CD8B2: variants seen among roughly 807,000 people sequenced by gnomAD.
The protein encoded by CD8B2 is T-cell surface glycoprotein CD8 beta-2 chain.
A neutral mutation model predicts 23.7 loss-of-function variants in CD8B2; 11 were observed. That is an observed-to-expected ratio of 0.46 (90% confidence interval 0.29 to 0.77). The LOEUF is 0.77. Ranked by LOEUF, CD8B2 falls within the 30% of genes least tolerant of loss-of-function variation. The pLI is 0.09. For missense variants in CD8B2, 197 were observed against 270.5 expected (o/e 0.73, Z 1.91); for synonymous variants, 90 against 109.3 (o/e 0.82, Z 1.10).
At chr2:106,498,155 T>TC (rs1178173108) in intron 3 of CD8B2, among the ~76,000 whole-genome samples, 1 of 151,306 alleles carries the variant, frequency 6.6e-6, no homozygotes, top group Non-Finnish European at 1.5e-5. Context: ...TTTCTTTCTT[T>TC]TTTTTTTTTT....
intron 5 of CD8B2, among the ~76,000 whole-genome samples, chr2:106,525,372 G>C (rs949152238): frequency 6.6e-6 from 1 of 152,166 alleles, no homozygotes; most frequent in Non-Finnish European, 1.5e-5. Context: ...GGGCATGTTT[G>C]TTCAGGGCAT....
chr2:106,496,497 C>A (rs1305693766), intron 3 of CD8B2, among the ~76,000 whole-genome samples: 1 of 152,174 alleles, frequency 6.6e-6, no homozygotes, highest in Non-Finnish European at 1.5e-5. Flanking sequence ...TCCACCCACA[C>A]CCCTGCACAC....
chr2:106,503,214 T>G (rs192086881), intron 4 of CD8B2, among the ~76,000 whole-genome samples: 2,550 of 152,058 alleles, frequency 0.017, 64 homozygotes, highest in African/African-American at 0.058. Flanking sequence ...TCTACCCCGG[T>G]TCTTCTGCTC....
At chr2:106,518,525 A>G (rs1679771671) in intron 5 of CD8B2, among the ~76,000 whole-genome samples, 1 of 152,242 alleles carries the variant, frequency 6.6e-6, no homozygotes, top group Admixed American at 6.5e-5. Context: ...GATTTGTTAG[A>G]GGAATACCGA....
intron 5 of CD8B2, among the ~76,000 whole-genome samples, chr2:106,521,139 T>C (rs1003530918): frequency 6.8e-6 from 1 of 147,008 alleles, no homozygotes; most frequent in African/African-American, 2.5e-5. Context: ...CTTGAGGAGG[T>C]GGTGTCTGAT....
intron 1 of CD8B2, among the ~76,000 whole-genome samples, chr2:106,490,495 G>A (rs1472909768): frequency 6.6e-6 from 1 of 152,138 alleles, no homozygotes; most frequent in East Asian, 1.9e-4. Flanking sequence ...CCTGTGAGTA[G>A]CCACTCCACT....
At chr2:106,516,792 A>G (rs538586377) in intron 5 of CD8B2, among the ~76,000 whole-genome samples, 1 of 152,092 alleles carries the variant, frequency 6.6e-6, no homozygotes, top group Non-Finnish European at 1.5e-5. Flanking sequence ...CATGAAATTT[A>G]AAAAATGGTT....
In CD8B2 at chr2:106,536,416, A is replaced by G. The variant is rs547722066; in HGVS notation, c.621-7576A>G. 3.5e-4 allele frequency among the ~76,000 whole-genome samples: 53 copies of G among 152,214 alleles called. 1 individual carries two copies. The highest frequency in any genetic ancestry group is 1.2e-3 in the African/African-American group (50 of 41,538). ...GGGAGAAATCCACCCTCAAAATCCAATCACCTCCCACCAGGCCCTGCCTCC... is the reference window on the plus strand; with the variant it reads ...GGGAGAAATCCACCCTCAAAATCCAGTCACCTCCCACCAGGCCCTGCCTCC... On this transcript the variant is annotated intron_variant, in intron 5 of 5. Transcript: ENST00000416057.
chr2:106,533,956 A>G (rs138720745), intron 5 of CD8B2, among the ~76,000 whole-genome samples: 1 of 152,346 alleles, frequency 6.6e-6, no homozygotes, highest in African/African-American at 2.4e-5. Context: ...AATGTGTACA[A>G]GGAATTACAG....
At chr2:106,530,002 C>T (rs1305609164) in intron 5 of CD8B2, among the ~76,000 whole-genome samples, 1 of 152,210 alleles carries the variant, frequency 6.6e-6, no homozygotes, top group Non-Finnish European at 1.5e-5. Context: ...ATCAGGTCAT[C>T]CCACCTGATG....
intron 4 of CD8B2, among the ~76,000 whole-genome samples, chr2:106,502,828 G>A (rs1165425279): frequency 3.3e-5 from 5 of 151,678 alleles, no homozygotes; most frequent in Non-Finnish European, 7.4e-5. Flanking sequence ...TCTGAGCCTC[G>A]GCTGCCTCAG....
At chr2:106,519,879 C>T (rs7579310) in intron 5 of CD8B2, among the ~76,000 whole-genome samples, 148,082 of 152,360 alleles carry the variant, frequency 0.97, 72,116 homozygotes, top group East Asian at 1. Context: ...ACATGGAGCC[C>T]GTGGGCCACA....
chr2:106,535,863 T>C (rs1680079309), intron 5 of CD8B2, among the ~76,000 whole-genome samples: 1 of 152,050 alleles, frequency 6.6e-6, no homozygotes, highest in Non-Finnish European at 1.5e-5. Context: ...AAAAGAGGGT[T>C]AATGGGCTGA....
intron 3 of CD8B2, among the ~76,000 whole-genome samples, chr2:106,498,219 C>A (rs1679336114): frequency 1.3e-5 from 2 of 151,596 alleles, no homozygotes; most frequent in Non-Finnish European, 2.9e-5. Flanking sequence ...GTGATCTCAG[C>A]TCATTGCAAC....
chr2:106,525,573 C>T (rs73952246), intron 5 of CD8B2, among the ~76,000 whole-genome samples: 14,193 of 152,164 alleles, frequency 0.093, 1,086 homozygotes, highest in African/African-American at 0.22. Flanking sequence ...TAGTGTTCTA[C>T]CACGTTTTCG....
chr2:106,541,963 G>C (rs988375545), intron 5 of CD8B2, among the ~76,000 whole-genome samples: 3 of 152,086 alleles, frequency 2.0e-5, no homozygotes, highest in Admixed American at 1.3e-4. Flanking sequence ...GGTCAAGGCT[G>C]TTCACTCTCT....
chr2:106,538,876 C>G (rs139240279), intron 5 of CD8B2, among the ~76,000 whole-genome samples: 24 of 152,262 alleles, frequency 1.6e-4, no homozygotes, highest in Non-Finnish European at 3.4e-4. Flanking sequence ...GCACTGCCAT[C>G]TGAAACAGTC....
intron 5 of CD8B2, among the ~76,000 whole-genome samples, chr2:106,536,074 G>C (rs1212914608): frequency 7.1e-6 from 1 of 140,516 alleles, no homozygotes; most frequent in East Asian, 2.1e-4. Context: ...TGCTCTTGCT[G>C]CCCAGGCTGG....
At chr2:106,531,259 A>G (rs1368819732) in intron 5 of CD8B2, among the ~76,000 whole-genome samples, 1 of 152,192 alleles carries the variant, frequency 6.6e-6, no homozygotes, top group Non-Finnish European at 1.5e-5. Flanking sequence ...ACTCAGACAT[A>G]GTAGATACCG....
Sources: gnomAD v4.1 joint callset for allele counts (sites outside exome capture counted in the v4.1 genomes callset) on GRCh38, gnomAD v4.1.1 for gene constraint, MANE v1.5 for transcripts, NCBI Gene and HGNC (gene_info 2026-07-23, HGNC 2026-07-21) for gene names.